Variants in ATP2C2 observed in about 807,000 individuals in gnomAD.
ATP2C2 encodes ATPase secretory pathway Ca2+ transporting 2.
ATP2C2 carries 171 observed loss-of-function variants against 110.8 expected under a neutral mutation model. That is an observed-to-expected ratio of 1.54 (90% CI 1.36 to 1.75). The LOEUF is 1.75. ATP2C2 is among the 40% of genes most tolerant of loss of function. ATP2C2 has a pLI of 0.00. For synonymous variants in ATP2C2, 804 were observed against 508.4 expected (o/e 1.58, Z -7.82); for missense variants, 1,963 against 1,235.0 (o/e 1.59, Z -8.84).
At chr16:84,432,161 ACGTGAATAAGCTATT>A (rs1403236518) in intron 11 of ATP2C2, among the ~76,000 whole-genome samples, 4 of 152,254 alleles carry the variant, frequency 2.6e-5, no homozygotes, top group Admixed American at 2.6e-4. Context: ...GTGTTTCGTT[ACGTGAATAAGCTATT>A]TAGTGGTGAT....
chr16:84,371,711 G>A (rs1909964351), intron 1 of ATP2C2, among the ~76,000 whole-genome samples: 3 of 152,180 alleles, frequency 2.0e-5, no homozygotes, highest in Admixed American at 2.0e-4. Context: ...TATAGCCCCA[G>A]CCCACTGCCT....
At position 84,417,070 on chromosome 16, in the gene ATP2C2, C is replaced by G. The variant is rs78396006; in HGVS notation, c.624+1479C>G. 6.5e-3 allele frequency among the ~76,000 whole-genome samples: 989 copies of G among 152,278 alleles called. 12 individuals are homozygous for G. Among genetic ancestry groups the G allele is most frequent in the African/African-American group, 0.022 (900 of 41,552 alleles). On this transcript the variant is annotated intron_variant, in intron 7 of 26. Coordinates refer to ENST00000262429, the MANE Select transcript of ATP2C2 (RefSeq NM_014861.4). ...ATTAGCCTGGGCTTGAGCCCTGGGACCATCATTCAAAGCCTTGTGAACCTT... is the reference window on the plus strand; with the variant it reads ...ATTAGCCTGGGCTTGAGCCCTGGGAGCATCATTCAAAGCCTTGTGAACCTT...
At chr16:84,425,369 C>T (rs1267005398) in intron 10 of ATP2C2, among the ~76,000 whole-genome samples, 1 of 152,174 alleles carries the variant, frequency 6.6e-6, no homozygotes, top group Non-Finnish European at 1.5e-5. Flanking sequence ...GACCTATCTG[C>T]CCATCACAGG....
chr16:84,376,148 C>T (rs1427564451), intron 1 of ATP2C2, among the ~76,000 whole-genome samples: 1 of 152,038 alleles, frequency 6.6e-6, no homozygotes, highest in Non-Finnish European at 1.5e-5. Flanking sequence ...CCCCTTGCGG[C>T]TTCCCAACAC....
In ATP2C2 at chr16:84,460,744, G is replaced by C. The variant is rs1911234222; in HGVS notation, c.2424G>C (p.Lys808Asn). The change falls in exon 24 of 27, where the codon AAG becomes AAC. Residue 808 changes from lysine (K) to asparagine (N), a missense_variant. By Grantham distance (94) the Lys-to-Asn change is moderately conservative. Coordinates refer to ENST00000262429, the MANE Select transcript of ATP2C2 (RefSeq NM_014861.4). Reference sequence around the variant, plus strand: ...TCCTCAGCAGAGCCCTCATCCTGAAGATCCTCATGTCCGCGGCCATCATCA... The same window carrying C: ...TCCTCAGCAGAGCCCTCATCCTGAACATCCTCATGTCCGCGGCCATCATCA... ...DTILSRALIL[K>N]ILMSAAIIIS... The C allele has an allele frequency of 6.2e-7, 1 of 1,614,156 alleles. No individual in the cohort carries two copies. The highest frequency in any genetic ancestry group is 8.5e-7 in the Non-Finnish European group (1 of 1,180,002).
intron 1 of ATP2C2, among the ~76,000 whole-genome samples, chr16:84,383,446 C>T (rs572771560): frequency 7.2e-5 from 11 of 152,314 alleles, no homozygotes; most frequent in South Asian, 2.1e-4. Flanking sequence ...ATGTCTGGTC[C>T]GTAGTATGTG....
intron 23 of ATP2C2, 91 bp from the exon 24 acceptor site, chr16:84,460,563 C>A (rs561372265): frequency 1.3e-6 from 2 of 1,581,802 alleles, no homozygotes; most frequent in East Asian, 2.2e-5. Context: ...CCTGTGCCAA[C>A]TTGGCCTGGG....
chr16:84,462,290 G>A (rs1199203671), intron 26 of ATP2C2, 161 bp downstream of exon 26: 1 of 913,848 alleles, frequency 1.1e-6, no homozygotes, highest in African/African-American at 1.7e-5. Flanking sequence ...CACAGGAAGG[G>A]ACTCTAACGT....
At chr16:84,428,327 C>G (rs986801074) in intron 11 of ATP2C2, among the ~76,000 whole-genome samples, 4 of 152,186 alleles carry the variant, frequency 2.6e-5, no homozygotes, top group Admixed American at 2.0e-4. Context: ...AGAAGAGATT[C>G]CAAATGCCTT....
At chr16:84,415,118 G>C (rs1301624882) in intron 6 of ATP2C2, among the ~76,000 whole-genome samples, 1 of 152,134 alleles carries the variant, frequency 6.6e-6, no homozygotes, top group Non-Finnish European at 1.5e-5. Context: ...TCCTGAGACA[G>C]ACCCTGCACC....
At chr16:84,420,092 A>G (rs1234748221) in intron 7 of ATP2C2, among the ~76,000 whole-genome samples, 2 of 151,822 alleles carry the variant, frequency 1.3e-5, no homozygotes, top group Non-Finnish European at 2.9e-5. Flanking sequence ...GACTTAACCT[A>G]TCTCATCCCG....
At chr16:84,446,569 A>G (rs796438174) in intron 16 of ATP2C2, 139 bp downstream of exon 16, 2 of 533,930 alleles carry the variant, frequency 3.7e-6, no homozygotes, top group African/African-American at 3.9e-5. Flanking sequence ...GAAAAACTTA[A>G]TCACCATCAT....
Position 84,453,017 on chromosome 16 carries a change from C to G in ATP2C2, c.1832-121C>G, listed in dbSNP as rs1910436987. On this transcript the variant is annotated intron_variant, in intron 18 of 26. Coordinates refer to ENST00000262429, the MANE Select transcript of ATP2C2 (RefSeq NM_014861.4). ...CCGAGGCCGTGCAGCATGGTAGGTC[C>G]TCAGTAAACCGTCTCCAGCATGGTT... 14 of 1,012,200 alleles carry G rather than the reference C, an allele frequency of 1.4e-5. No homozygotes were observed. In the South Asian group the frequency reaches 1.9e-4, roughly 13 times the overall value. The allele number at this position is 1,012,200 out of a possible 1,614,324, so 62.7% of individuals were successfully genotyped here.
intron 1 of ATP2C2, among the ~76,000 whole-genome samples, chr16:84,371,003 C>T (rs1053744981): frequency 2.0e-5 from 3 of 152,124 alleles, no homozygotes; most frequent in South Asian, 2.1e-4. Flanking sequence ...TTTTGCTAGG[C>T]GCTGAGGATA....
At chr16:84,423,488 G>A (rs547611424) in intron 10 of ATP2C2, among the ~76,000 whole-genome samples, 7 of 152,318 alleles carry the variant, frequency 4.6e-5, no homozygotes, top group African/African-American at 9.6e-5. Flanking sequence ...CAGAGTAAAC[G>A]CTTGTTCCTT....
At chr16:84,446,728 A>C (rs1401821813) in intron 16 of ATP2C2, among the ~76,000 whole-genome samples, 1 of 152,138 alleles carries the variant, frequency 6.6e-6, no homozygotes, top group Non-Finnish European at 1.5e-5. Flanking sequence ...CCTGAGTCGA[A>C]GGGTCCAGGG....
intron 2 of ATP2C2, among the ~76,000 whole-genome samples, chr16:84,400,007 G>A (rs994768521): frequency 6.9e-6 from 1 of 143,994 alleles, no homozygotes; most frequent in African/African-American, 2.9e-5. Flanking sequence ...AACCTGCAAA[G>A]TTTGCCTTTC....
At chr16:84,446,472 G>A (rs779429977) in intron 16 of ATP2C2, 42 bp downstream of exon 16, 16 of 1,440,798 alleles carry the variant, frequency 1.1e-5, no homozygotes, top group Middle Eastern at 1.8e-4. Context: ...CTTTCTGCCC[G>A]GGCCCCCACC....
Position 84,446,406 on chromosome 16 carries a change from G to A in ATP2C2, c.1479G>A (p.Ala493=), listed in dbSNP as rs376130916. The change falls in exon 16 of 27, where the codon GCG becomes GCA. Residue 493 remains alanine, a synonymous_variant. Transcript: ENST00000262429. ...TCAGTTCAGAGCAGAAGTGGATGGC[G>A]GTGAAATGCAGTCTGAAGACTGAGG... ...IPFSSEQKWM[A]VKCSLKTEDQ... is the part of the protein sequence containing the mutation. 490 of 1,603,664 alleles carry A rather than the reference G, an allele frequency of 3.1e-4. 1 individual carries two copies. Among genetic ancestry groups the A allele is most frequent in the South Asian group, 4.3e-4 (38 of 88,880 alleles).
Sources: gnomAD v4.1 joint callset for allele counts (sites outside exome capture counted in the v4.1 genomes callset) on GRCh38, gnomAD v4.1.1 for gene constraint, MANE v1.5 for transcripts, NCBI Gene and HGNC (gene_info 2026-07-23, HGNC 2026-07-21) for gene names.